PAK3: variants seen among roughly 807,000 people sequenced by gnomAD.
PAK3 encodes the protein p21 (RAC1) activated kinase 3.
In PAK3, 4 loss-of-function variants were observed where a neutral mutation model predicts 41.0. The observed-to-expected ratio is 0.10, with a 90% CI of 0.05 to 0.22. The LOEUF is 0.22. Ranked by LOEUF, PAK3 falls within the 10% of genes least tolerant of loss-of-function variation. The pLI, the probability that PAK3 is intolerant of heterozygous loss-of-function variation, is 1.00. For missense variants in PAK3, 205 were observed against 409.9 expected (o/e 0.50, Z 4.32); for synonymous variants, 146 against 139.6 (o/e 1.05, Z -0.32).
At position 111,222,929 on chromosome X, in the gene PAK3, G is replaced by A. The variant is rs2094935473; in HGVS notation, c.*2482G>A. On this transcript the variant is annotated 3_prime_UTR_variant, in exon 18 of 18. Coordinates refer to ENST00000372007, the MANE Select transcript of PAK3 (RefSeq NM_002578.5). Reference sequence around the variant, plus strand: ...ATTTGATAATAATATATCCCAGGAGGCATTACTTTTATAAATTTGTATTCA... The same window carrying A: ...ATTTGATAATAATATATCCCAGGAGACATTACTTTTATAAATTTGTATTCA... The A allele has an allele frequency of 9.0e-6, 1 of 111,104 alleles. No individual in the cohort carries two copies. The highest frequency in any genetic ancestry group is 9.6e-5 in the Admixed American group (1 of 10,392). The allele number at this position is 111,104 out of a possible 1,213,427, so 9.2% of individuals were successfully genotyped here.
intron 1 of PAK3, among the ~76,000 whole-genome samples, chrX:111,079,408 T>C (rs2092815822): frequency 8.9e-6 from 1 of 111,882 alleles, no homozygotes; most frequent in Non-Finnish European, 1.9e-5. Context: ...TTATGCTCCA[T>C]AAATGAAAGA....
At chrX:111,147,941 AGTGTCATGTT>A in intron 7 of PAK3, 51 bp downstream of exon 7, 1 of 1,048,582 alleles carries the variant, frequency 9.5e-7, no homozygotes, top group East Asian at 3.0e-5. Context: ...TCAATTTCAG[AGTGTCATGTT>A]GAGAACAAAA....
intron 5 of PAK3, among the ~76,000 whole-genome samples, chrX:111,135,585 A>G (rs749728921): frequency 9.0e-6 from 1 of 111,401 alleles, no homozygotes; most frequent in Non-Finnish European, 1.9e-5. Context: ...AAGAAAACTG[A>G]GAAATGCAGA....
intron 1 of PAK3, among the ~76,000 whole-genome samples, chrX:111,048,730 C>T (rs752876111): frequency 8.9e-6 from 1 of 112,452 alleles, no homozygotes; most frequent in South Asian, 3.7e-4. Flanking sequence ...ATCTCCACTG[C>T]TCCCACCTGG....
intron 1 of PAK3, among the ~76,000 whole-genome samples, chrX:111,057,815 C>T (rs192799401): frequency 7.2e-5 from 8 of 111,620 alleles, no homozygotes; most frequent in Admixed American, 4.8e-4. Flanking sequence ...AAGCTTGCAC[C>T]CATTAGCAGT....
intron 1 of PAK3, among the ~76,000 whole-genome samples, chrX:111,081,916 C>T (rs2092837856): frequency 9.0e-6 from 1 of 111,310 alleles, no homozygotes; most frequent in East Asian, 2.8e-4. Context: ...TCTTCTATGT[C>T]TAGCATGCTT....
At chrX:111,130,974 G>A (rs1023489289) in intron 5 of PAK3, among the ~76,000 whole-genome samples, 2 of 111,829 alleles carry the variant, frequency 1.8e-5, no homozygotes, top group African/African-American at 6.5e-5. Flanking sequence ...ACAAAGCAAG[G>A]CAGACCTAGA....
At chrX:111,085,096 T>C (rs1291051334) in intron 1 of PAK3, among the ~76,000 whole-genome samples, 1 of 112,364 alleles carries the variant, frequency 8.9e-6, no homozygotes, top group African/African-American at 3.2e-5. Context: ...ATGGAACTTA[T>C]CTTAAAGTAC....
rs1031994051 is a variant in PAK3 at position 111,115,061 on chromosome X, C to A, written c.-27-8016C>A. ...AGGCCCACAGAAAGACTTAGGCACACAGCAGTCTTTGCTTTGTATGTATAT... is the reference window on the plus strand; with the variant it reads ...AGGCCCACAGAAAGACTTAGGCACAAAGCAGTCTTTGCTTTGTATGTATAT... On this transcript the variant is annotated intron_variant, in intron 4 of 17. Transcript: ENST00000372007. Among the ~76,000 whole-genome samples the A allele has an allele frequency of 2.7e-5, 3 of 112,205 alleles. No homozygotes were observed. In the South Asian group the frequency reaches 1.1e-3, roughly 42 times the overall value.
intron 1 of PAK3, among the ~76,000 whole-genome samples, chrX:110,969,956 A>G: frequency 8.9e-6 from 1 of 112,173 alleles, no homozygotes; most frequent in African/African-American, 3.2e-5. Flanking sequence ...TTTCTAATCC[A>G]TGGGATCTAT....
intron 1 of PAK3, among the ~76,000 whole-genome samples, chrX:111,044,515 C>A (rs1005727712): frequency 8.9e-6 from 1 of 111,789 alleles, no homozygotes; most frequent in Non-Finnish European, 1.9e-5. Flanking sequence ...TCCCAAGTAC[C>A]CTGGTCACTC....
chrX:111,220,944 G>GCAAAAAAAAAAAAAAAA lies in PAK3; in HGVS notation c.*498_*514dup, dbSNP rs2094923238. The GCAAAAAAAAAAAAAAAA allele has an allele frequency of 5.9e-5, 1 of 16,929 alleles. No homozygotes were observed. Among genetic ancestry groups the GCAAAAAAAAAAAAAAAA allele is most frequent in the Non-Finnish European group, 1.1e-4 (1 of 9,451 alleles). 1.4% of individuals were successfully genotyped at this position (16,929 alleles called of 1,213,427 possible). A position where few individuals can be genotyped will look rare whatever the true frequency, so the allele number is the denominator to read the frequency against. ...AAAAAAAGAAAGCAAAAAAAGCAAG[G>GCAAAAAAAAAAAAAAAA]CAAAAAAAAAAAAAAAAACAAACAA... On this transcript the variant is annotated 3_prime_UTR_variant, in exon 18 of 18. Coordinates refer to ENST00000372007, the MANE Select transcript of PAK3 (RefSeq NM_002578.5).
At chrX:111,102,840 G>A (rs1330375871) in intron 3 of PAK3, among the ~76,000 whole-genome samples, 1 of 112,266 alleles carries the variant, frequency 8.9e-6, no homozygotes, top group Non-Finnish European at 1.9e-5. Flanking sequence ...ATGATGAGGT[G>A]ACTAACAGCA....
At chrX:110,948,072 T>G (rs2090659517) in intron 1 of PAK3, among the ~76,000 whole-genome samples, 1 of 112,331 alleles carries the variant, frequency 8.9e-6, no homozygotes, top group African/African-American at 3.2e-5. Flanking sequence ...GCTGAATTAT[T>G]GGGCAGACTG....
intron 1 of PAK3, among the ~76,000 whole-genome samples, chrX:111,016,759 G>A (rs2896892): frequency 8.9e-5 from 8 of 90,238 alleles, no homozygotes; most frequent in African/African-American, 2.0e-4. Flanking sequence ...AGGGAGAGAG[G>A]GAGGGAGGGA....
chrX:111,116,829 A>T (rs1264085311), intron 4 of PAK3, among the ~76,000 whole-genome samples: 3 of 112,425 alleles, frequency 2.7e-5, no homozygotes, highest in Non-Finnish European at 5.6e-5. Flanking sequence ...TATCTCTTAC[A>T]TGATCTAAGA....
At chrX:110,998,224 A>T (rs1170864042) in intron 1 of PAK3, among the ~76,000 whole-genome samples, 2 of 111,910 alleles carry the variant, frequency 1.8e-5, no homozygotes, top group Non-Finnish European at 3.8e-5. Flanking sequence ...CCAAGGACTG[A>T]TCCCTAAACC....
At position 111,049,146 on chromosome X, in the gene PAK3, T is replaced by G. The variant is rs1406299865; in HGVS notation, c.-27-73931T>G. On this transcript the variant is annotated intron_variant, in intron 1 of 14. Transcript: ENST00000425146. ...CTTGGAATGTTCTTCCCCTAGATCT[T>G]TACATGTGACAGGCTTCTTCTTGCC... Among the ~76,000 whole-genome samples the G allele has an allele frequency of 3.6e-5, 4 of 111,727 alleles. No homozygotes were observed. The Admixed American group carries it at 3.8e-4, about 11-fold the overall frequency.
At chrX:111,108,621 GAGATGGAAC>G (rs968306668) in intron 4 of PAK3, among the ~76,000 whole-genome samples, 15 of 112,588 alleles carry the variant, frequency 1.3e-4, no homozygotes, top group African/African-American at 4.2e-4. Context: ...CTGATGATCT[GAGATGGAAC>G]AGTTTCATTC....
Sources: gnomAD v4.1 joint callset for allele counts (sites outside exome capture counted in the v4.1 genomes callset) on GRCh38, gnomAD v4.1.1 for gene constraint, MANE v1.5 for transcripts, NCBI Gene and HGNC (gene_info 2026-07-23, HGNC 2026-07-21) for gene names.